Variants in CNN1 observed in about 807,000 individuals in gnomAD.
CNN1 encodes the protein calponin 1.
In CNN1, 21 loss-of-function variants were observed where a neutral mutation model predicts 35.3. The observed-to-expected ratio is 0.60, with a 90% CI of 0.42 to 0.86. The LOEUF is 0.86. CNN1 is among the 40% of genes least tolerant of loss of function. The pLI, the probability that CNN1 is intolerant of heterozygous loss-of-function variation, is 0.00. For missense variants in CNN1, 314 were observed against 400.8 expected (o/e 0.78, Z 1.85); for synonymous variants, 164 against 161.8 (o/e 1.01, Z -0.10).
intron 1 of CNN1, chr19:11,539,247 T>C (rs1972405818): frequency 8.0e-7 from 1 of 1,247,532 alleles, no homozygotes; most frequent in African/African-American, 1.6e-5. Flanking sequence ...GATACCCACC[T>C]GATCAGTCTT....
rs370992815 is a variant in CNN1 at position 11,538,897 on chromosome 19, C to G, written c.-31C>G. On this transcript the variant is annotated 5_prime_UTR_variant, in exon 1 of 7. Transcript: ENST00000252456. Reference sequence around the variant, plus strand: ...GCCTCTGTTCTCAGCGTCAGTGCCGCCACTGCCCCCGCCAGAGCCCACCGG... The same window carrying G: ...GCCTCTGTTCTCAGCGTCAGTGCCGGCACTGCCCCCGCCAGAGCCCACCGG... 3.3e-6 allele frequency: 5 copies of G among 1,515,598 alleles called. No individual in the cohort carries two copies. The highest frequency in any genetic ancestry group is 4.4e-6 in the Non-Finnish European group (5 of 1,127,640). The allele number at this position is 1,515,598 out of a possible 1,614,324, so 93.9% of individuals were successfully genotyped here.
In CNN1 at chr19:11,546,734, G is replaced by T; in HGVS notation, c.245G>T (p.Trp82Leu). 6.2e-7 allele frequency: 1 copy of T among 1,614,100 alleles called. No individual in the cohort carries two copies. Among genetic ancestry groups the T allele is most frequent in the Non-Finnish European group, 8.5e-7 (1 of 1,180,030 alleles). ...AAGATCAATGAGTCAACCCAAAATT[G>T]GCACCAGGTGAGCCCAGACACAATC... Reference protein sequence around the residue: ...VKKINESTQNWHQLENIGNFI... With the variant: ...VKKINESTQNLHQLENIGNFI... The change falls in exon 3 of 7, where the codon TGG becomes TTG. Residue 82 changes from tryptophan (W) to leucine (L), a missense_variant. By Grantham distance (61) the Trp-to-Leu change is moderately conservative (BLOSUM62 -2). Transcript: ENST00000252456.
chr19:11,541,208 C>G lies in CNN1; in HGVS notation c.185+11C>G. The G allele has an allele frequency of 6.5e-7, 1 of 1,548,768 alleles. No individual in the cohort carries two copies. The highest frequency in any genetic ancestry group is 8.7e-7 in the Non-Finnish European group (1 of 1,143,906). On this transcript the variant is annotated intron_variant, in intron 2 of 6. Transcript: ENST00000252456. ...CATCATTCTTTGCGAGTGAGTGAGG[C>G]TCTCGAAGCCGAGACCCTGCAACAT...
chr19:11,543,078 A>C (rs185842218), intron 2 of CNN1, among the ~76,000 whole-genome samples: 276 of 152,262 alleles, frequency 1.8e-3, no homozygotes, highest in African/African-American at 6.5e-3. Flanking sequence ...AGGAATTGGC[A>C]GGTGGGGAGG....
rs377568799 is a variant in CNN1, at chr19:11,549,193, A to AAAAAAAAAAAAAT, written c.502-127_502-126insAAAAAAAAATAAA. ...ACAGAGCAAGACTCCGTCTCAAAAA[A>AAAAAAAAAAAAAT]AAATAAATAAAATAAAATAAAAATT... is the stretch of plus-strand genomic sequence containing the variant. On this transcript the variant is annotated intron_variant, in intron 5 of 6. Coordinates refer to ENST00000252456, the MANE Select transcript of CNN1 (RefSeq NM_001299.6). The surrounding 1 kb of genome is among the most constrained non-coding windows in gnomAD (Gnocchi z 5.2). 85 of 1,066,074 alleles carry AAAAAAAAAAAAAT rather than the reference A, an allele frequency of 8.0e-5. No homozygotes were observed. In the African/African-American group the frequency reaches 1.4e-3, roughly 17 times the overall value. The allele number at this position is 1,066,074 out of a possible 1,614,324, so 66.0% of individuals were successfully genotyped here.
intron 1 of CNN1, chr19:11,539,886 C>T (rs1972420288): frequency 8.6e-7 from 1 of 1,162,460 alleles, no homozygotes; most frequent in African/African-American, 1.7e-5. Context: ...AGCGCCGGCC[C>T]CAGAGCCGCG....
At chr19:11,548,151 A>G (rs1285911814) in intron 5 of CNN1, among the ~76,000 whole-genome samples, 1 of 152,192 alleles carries the variant, frequency 6.6e-6, no homozygotes. Flanking sequence ...TCGCTTTTGC[A>G]CAGATCTTCC....
At position 11,541,196 on chromosome 19, in the gene CNN1, G is replaced by C. The variant is rs1179232886; in HGVS notation, c.184G>C (p.Glu62Gln). Residue 62 changes from glutamate to glutamine, a missense_variant and splice_region_variant, in exon 2 of 7, where the codon GAA (glutamate) becomes CAA (glutamine). Glu to Gln is a conservative substitution (Grantham distance 29). Transcript: ENST00000252456. ...DGLKDGIILCEFINKLQPGSV... is the reference protein window; with the variant it reads ...DGLKDGIILCQFINKLQPGSV... ...CCTCAAAGATGGCATCATTCTTTGC[G>C]AGTGAGTGAGGCTCTCGAAGCCGAG... is the stretch of plus-strand genomic sequence containing the variant. 6.4e-7 allele frequency: 1 copy of C among 1,570,280 alleles called. No homozygotes were observed. The highest frequency in any genetic ancestry group is 1.8e-5 in the Admixed American group (1 of 55,848).
Position 11,549,915 on chromosome 19 carries a change from A to C in CNN1, c.*120A>C. ...GCATCCTCCAGCCCCTGTAGAACTC[A>C]ACCTCTACAGGGTTAGAGTTTGGAG... On this transcript the variant is annotated 3_prime_UTR_variant, in exon 7 of 7. Coordinates refer to ENST00000252456, the MANE Select transcript of CNN1 (RefSeq NM_001299.6). The surrounding 1 kb of genome is among the most constrained non-coding windows in gnomAD (Gnocchi z 5.2). The C allele has an allele frequency of 3.3e-5, 46 of 1,398,360 alleles. No individual in the cohort carries two copies. The highest frequency in any genetic ancestry group is 4.0e-5 in the Non-Finnish European group (41 of 1,028,018). The allele number at this position is 1,398,360 out of a possible 1,614,324, so 86.6% of individuals were successfully genotyped here. A position where few individuals can be genotyped will look rare whatever the true frequency, so the allele number is the denominator to read the frequency against.
rs1055276372 is a variant in CNN1 at position 11,549,991 on chromosome 19, T to G, written c.*196T>G. The G allele has an allele frequency of 3.9e-6, 3 of 769,724 alleles. No individual in the cohort carries two copies. Among genetic ancestry groups the G allele is most frequent in the Non-Finnish European group, 6.1e-6 (3 of 494,788 alleles). The allele number at this position is 769,724 out of a possible 1,614,324, so 47.7% of individuals were successfully genotyped here. ...GGGGGGAAGGGGACCCTCCGCTCTG[T>G]AGTGCTACAGGGTCCAACATAGAGC... On this transcript the variant is annotated 3_prime_UTR_variant, in exon 7 of 7. Transcript: ENST00000252456. This position sits in a 1 kb window ranked among gnomAD's most constrained non-coding sequence, Gnocchi z 5.2.
intron 1 of CNN1, chr19:11,540,230 C>G (rs1018968436): frequency 8.5e-6 from 2 of 235,022 alleles, no homozygotes; most frequent in Non-Finnish European, 1.4e-5. Flanking sequence ...CTGAGACACC[C>G]TAGGGACAGA....
chr19:11,541,064 C>T lies in CNN1; in HGVS notation c.64-12C>T. Reference sequence around the variant, plus strand: ...CCCTTTCTCTGTGCCCCCTGCCCTCCCCTCGCCCCAGCTGGCCCAGAAGTA... The same window carrying T: ...CCCTTTCTCTGTGCCCCCTGCCCTCTCCTCGCCCCAGCTGGCCCAGAAGTA... On this transcript the variant is annotated splice_polypyrimidine_tract_variant and intron_variant, in intron 1 of 6. Coordinates refer to ENST00000252456, the MANE Select transcript of CNN1 (RefSeq NM_001299.6). 9 of 1,598,616 alleles carry T rather than the reference C, an allele frequency of 5.6e-6. No individual in the cohort carries two copies. Among genetic ancestry groups the T allele is most frequent in the Non-Finnish European group, 6.0e-6 (7 of 1,172,654 alleles).
intron 1 of CNN1, chr19:11,540,770 G>C: frequency 3.9e-6 from 1 of 256,746 alleles, no homozygotes; most frequent in Non-Finnish European, 7.4e-6. Context: ...GAAAAACCAG[G>C]GTGCCGGGTG....
Position 11,545,958 on chromosome 19 carries a change from C to T in CNN1, c.186-717C>T, listed in dbSNP as rs141441070. On this transcript the variant is annotated intron_variant, in intron 2 of 6. Coordinates refer to ENST00000252456, the MANE Select transcript of CNN1 (RefSeq NM_001299.6). ...TCCAGCCTGGGCGACAAAGCCACAC[C>T]CTGCATCAAAAAGAAAAAAAAAAGA... 4.3e-3 allele frequency among the ~76,000 whole-genome samples: 655 copies of T among 151,542 alleles called. 2 individuals carry two copies. The highest frequency in any genetic ancestry group is 6.5e-3 in the Non-Finnish European group (442 of 67,898).
chr19:11,539,888 A>T, intron 1 of CNN1: 2 of 1,139,750 alleles, frequency 1.8e-6, no homozygotes, highest in Non-Finnish European at 2.2e-6. Context: ...CGCCGGCCCC[A>T]GAGCCGCGCA....
In CNN1 at chr19:11,546,678, C is replaced by T; in HGVS notation, c.189C>T (p.Phe63=). ...GLKDGIILCE[F]INKLQPGSVK... ...ACCCCTTCCCCACTCTTCTCAGATT[C>T]ATCAATAAGCTGCAGCCAGGCTCCG... The change falls in exon 3 of 7, where the codon TTC becomes TTT. Residue 63 remains phenylalanine (F), a synonymous_variant. Coordinates refer to ENST00000252456, the MANE Select transcript of CNN1 (RefSeq NM_001299.6). 2 of 1,614,134 alleles carry T rather than the reference C, an allele frequency of 1.2e-6. No individual in the cohort carries two copies. The highest frequency in any genetic ancestry group is 1.7e-6 in the Non-Finnish European group (2 of 1,180,028).
At chr19:11,543,977 C>G (rs1025490278) in intron 2 of CNN1, among the ~76,000 whole-genome samples, 4 of 151,826 alleles carry the variant, frequency 2.6e-5, no homozygotes, top group African/African-American at 9.7e-5. Context: ...TTCATTCATT[C>G]ATTCATTCAC....
rs1033701082 is a variant in CNN1, at chr19:11,549,179, C to T, written c.502-144C>T. On this transcript the variant is annotated intron_variant, in intron 5 of 6. Transcript: ENST00000252456. This position sits in a 1 kb window ranked among gnomAD's most constrained non-coding sequence, Gnocchi z 5.2. ...CTCCAGCCTGGGCAACAGAGCAAGACTCCGTCTCAAAAAAAAATAAATAAA... is the reference window on the plus strand; with the variant it reads ...CTCCAGCCTGGGCAACAGAGCAAGATTCCGTCTCAAAAAAAAATAAATAAA... 5 of 879,470 alleles carry T rather than the reference C, an allele frequency of 5.7e-6. No individual in the cohort carries two copies. The highest frequency in any genetic ancestry group is 3.8e-5 in the African/African-American group (2 of 52,642). The allele number at this position is 879,470 out of a possible 1,614,324, so 54.5% of individuals were successfully genotyped here. A position where few individuals can be genotyped will look rare whatever the true frequency, so the allele number is the denominator to read the frequency against.
Position 11,538,904 on chromosome 19 carries a change from C to T in CNN1, c.-24C>T. On this transcript the variant is annotated 5_prime_UTR_variant, in exon 1 of 7. Transcript: ENST00000252456. ...TTCTCAGCGTCAGTGCCGCCACTGC[C>T]CCCGCCAGAGCCCACCGGCCAGCAT... is the stretch of plus-strand genomic sequence containing the variant. 1.3e-6 allele frequency: 2 copies of T among 1,532,414 alleles called. No individual in the cohort carries two copies. Among genetic ancestry groups the T allele is most frequent in the Non-Finnish European group, 8.8e-7 (1 of 1,137,066 alleles). 94.9% of individuals were successfully genotyped at this position (1,532,414 alleles called of 1,614,324 possible).
Sources: gnomAD v4.1 joint callset for allele counts (sites outside exome capture counted in the v4.1 genomes callset) on GRCh38, gnomAD v4.1.1 for gene constraint, Gnocchi (gnomAD v3.1) non-coding constraint, MANE v1.5 for transcripts, NCBI Gene and HGNC (gene_info 2026-07-23, HGNC 2026-07-21) for gene names.